MEI4: variants seen among roughly 807,000 people sequenced by gnomAD.
MEI4 encodes the protein meiosis-specific protein MEI4.
In MEI4, 27 loss-of-function variants were observed where a neutral mutation model predicts 31.4. That is an observed-to-expected ratio of 0.86 (90% CI 0.63 to 1.19). The LOEUF (loss-of-function observed/expected upper bound fraction) is 1.19. MEI4 is among the 50% of genes most tolerant of loss of function. The probability of loss-of-function intolerance (pLI) is 0.00; values close to 1 mark genes in which losing one functional copy is unlikely to be tolerated. For synonymous variants in MEI4, 122 were observed against 145.4 expected, an observed-to-expected ratio of 0.84 and a Z score of 1.16; for missense variants, 329 against 398.9, an observed-to-expected ratio of 0.82 and a Z score of 1.49.
At chr6:77,781,674 A>G (rs1582135587) in intron 3 of MEI4, among the ~76,000 whole-genome samples, 1 of 152,270 alleles carries the variant, frequency 6.6e-6, no homozygotes, top group East Asian at 1.9e-4. Flanking sequence ...ACAATCCAGG[A>G]AAGGTATTTT....
intron 3 of MEI4, among the ~76,000 whole-genome samples, chr6:77,814,058 C>G (rs927328758): frequency 1.3e-5 from 2 of 152,024 alleles, no homozygotes; most frequent in Non-Finnish European, 2.9e-5. Context: ...CAGTATACAC[C>G]TCCAATCAAA....
rs181030615 is a variant in MEI4, at chr6:77,851,348, C to G, written c.900+22286C>G. On this transcript the variant is annotated intron_variant, in intron 4 of 4. Coordinates refer to ENST00000684080, the MANE Select transcript of MEI4 (RefSeq NM_001322247.2). Reference sequence around the variant, plus strand: ...GACACATGCACATGTATGTTTATTGCAGCACTATTCACAATAGCAAAGTCT... The same window carrying G: ...GACACATGCACATGTATGTTTATTGGAGCACTATTCACAATAGCAAAGTCT... Among the ~76,000 whole-genome samples, 296 of 152,068 alleles carry G rather than the reference C, an allele frequency of 1.9e-3. 2 individuals carry two copies. Among genetic ancestry groups the G allele is most frequent in the South Asian group, 0.018 (86 of 4,830 alleles).
At chr6:77,860,550 C>T (rs1043270501) in intron 4 of MEI4, among the ~76,000 whole-genome samples, 1 of 152,166 alleles carries the variant, frequency 6.6e-6, no homozygotes, top group African/African-American at 2.4e-5. Flanking sequence ...TCCAAGCTCA[C>T]ACTTTCTGAT....
intron 4 of MEI4, among the ~76,000 whole-genome samples, chr6:77,834,038 C>G (rs968491836): frequency 1.3e-5 from 2 of 152,012 alleles, no homozygotes; most frequent in East Asian, 3.9e-4. Context: ...TTGATGGGCA[C>G]TTGGGTGGAT....
At chr6:77,746,662 TG>T (rs1767616767) in intron 2 of MEI4, among the ~76,000 whole-genome samples, 2 of 149,682 alleles carry the variant, frequency 1.3e-5, no homozygotes, top group African/African-American at 2.4e-5. Context: ...TGTGTGTGTG[TG>T]TGTGTGTGTG....
chr6:77,727,238 T>A (rs1381628945), intron 2 of MEI4, among the ~76,000 whole-genome samples: 1 of 152,150 alleles, frequency 6.6e-6, no homozygotes, highest in East Asian at 1.9e-4. Context: ...AGGAGGTAAA[T>A]GCATCAAGAC....
At chr6:77,673,100 G>C (rs1246842624) in intron 1 of MEI4, among the ~76,000 whole-genome samples, 2 of 152,054 alleles carry the variant, frequency 1.3e-5, no homozygotes, top group Non-Finnish European at 2.9e-5. Flanking sequence ...TCTGCATTTT[G>C]GATTCAAGAT....
intron 1 of MEI4, among the ~76,000 whole-genome samples, chr6:77,677,325 T>A (rs1314134797): frequency 1.3e-5 from 2 of 152,182 alleles, no homozygotes; most frequent in Non-Finnish European, 2.9e-5. Flanking sequence ...CTACCACAGC[T>A]CTACCTTGCA....
intron 4 of MEI4, among the ~76,000 whole-genome samples, chr6:77,917,541 ATGTGT>A (rs1248562589): frequency 2.2e-5 from 3 of 136,160 alleles, no homozygotes; most frequent in Non-Finnish European, 4.6e-5. Flanking sequence ...GCATTTTTTC[ATGTGT>A]TTTTTGGCTG....
intron 4 of MEI4, among the ~76,000 whole-genome samples, chr6:77,846,119 T>C (rs532824391): frequency 6.6e-6 from 1 of 152,062 alleles, no homozygotes; most frequent in Non-Finnish European, 1.5e-5. Flanking sequence ...CAATTTTGTT[T>C]TTTCTTTTTT....
At chr6:77,877,429 G>A (rs1166524125) in intron 4 of MEI4, among the ~76,000 whole-genome samples, 1 of 151,960 alleles carries the variant, frequency 6.6e-6, no homozygotes, top group Non-Finnish European at 1.5e-5. Context: ...TGAAATGCCA[G>A]TTTTCAGAAA....
rs547309187 is a variant in MEI4 at position 77,820,683 on chromosome 6, C to T, written c.769-8248C>T. ...TTGAAGGATAGTTCTAGTGGGTACA[C>T]AATTATAAGCTAATACATATTTTGT... On this transcript the variant is annotated intron_variant, in intron 3 of 4. Coordinates refer to ENST00000684080, the MANE Select transcript of MEI4 (RefSeq NM_001322247.2). The surrounding 1 kb of genome is among the most constrained non-coding windows in gnomAD (Gnocchi z 4.5). Among the ~76,000 whole-genome samples, 22 of 152,064 alleles carry T rather than the reference C, an allele frequency of 1.4e-4. No individual in the cohort carries two copies. Among genetic ancestry groups the T allele is most frequent in the African/African-American group, 5.1e-4 (21 of 41,492 alleles).
intron 3 of MEI4, among the ~76,000 whole-genome samples, chr6:77,766,637 C>T (rs1013309296): frequency 1.3e-5 from 2 of 152,118 alleles, no homozygotes; most frequent in Admixed American, 6.5e-5. Flanking sequence ...TGATCTCGAT[C>T]TCCTGACCTC....
chr6:77,781,346 A>G (rs1049974380), intron 3 of MEI4, among the ~76,000 whole-genome samples: 1 of 152,146 alleles, frequency 6.6e-6, no homozygotes, highest in Non-Finnish European at 1.5e-5. Flanking sequence ...CGACCTGTCT[A>G]TATCAGTGCA....
chr6:77,831,411 A>C (rs1770076635), intron 4 of MEI4, among the ~76,000 whole-genome samples: 1 of 151,726 alleles, frequency 6.6e-6, no homozygotes, highest in South Asian at 2.1e-4. Flanking sequence ...TATGTATCCA[A>C]AAGAAAGGAG....
chr6:77,859,813 C>T (rs762059082), intron 4 of MEI4, among the ~76,000 whole-genome samples: 12 of 152,138 alleles, frequency 7.9e-5, no homozygotes, highest in Non-Finnish European at 1.2e-4. Context: ...GTGATTCCCA[C>T]ACTTTCATTT....
Position 77,924,001 on chromosome 6 carries a change from TTC to T in MEI4, c.*657_*658del, listed in dbSNP as rs985623080. On this transcript the variant is annotated 3_prime_UTR_variant, in exon 5 of 5. Transcript: ENST00000684080. ...GTTTTTCAACAAATACTTGTTTCAA[TTC>T]TGTTAATTAAATATGTTATAATAGT... 6.6e-6 allele frequency: 1 copy of T among 151,550 alleles called. No individual in the cohort carries two copies. Among genetic ancestry groups the T allele is most frequent in the Non-Finnish European group, 1.5e-5 (1 of 67,794 alleles). 9.4% of individuals were successfully genotyped at this position (151,550 alleles called of 1,614,324 possible).
At chr6:77,671,054 G>GTTTTTTTTTTTTTTTTTTTT (rs35429284) in intron 1 of MEI4, among the ~76,000 whole-genome samples, 1 of 110,448 alleles carries the variant, frequency 9.1e-6, no homozygotes, top group Non-Finnish European at 1.9e-5. Flanking sequence ...GTGAATTGTT[G>GTTTTTTTTTTTTTTTTTTTT]TTTTTTTTTT....
In MEI4 at chr6:77,905,425, T is replaced by C. The variant is rs143273724; in HGVS notation, c.901-17664T>C. On this transcript the variant is annotated intron_variant, in intron 4 of 4. Transcript: ENST00000684080. ...TGAATGTAATTAGACACCTTTGCCA[T>C]TTATATATCAGAAAATTTATATCTT... is the stretch of plus-strand genomic sequence containing the variant. Among the ~76,000 whole-genome samples the C allele has an allele frequency of 8.9e-3, 1,339 of 150,852 alleles. 8 individuals carry two copies. Among genetic ancestry groups the C allele is most frequent in the Non-Finnish European group, 0.013 (894 of 67,670 alleles).
Sources: gnomAD v4.1 joint callset for allele counts (sites outside exome capture counted in the v4.1 genomes callset) on GRCh38, gnomAD v4.1.1 for gene constraint, Gnocchi (gnomAD v3.1) non-coding constraint, MANE v1.5 for transcripts, NCBI Gene and HGNC (gene_info 2026-07-23, HGNC 2026-07-21) for gene names.